The following KCNMA1 variants were observed in gnomAD, a reference collection of about 807,000 sequenced individuals.
The protein encoded by KCNMA1 is potassium calcium-activated channel subfamily M alpha 1, also known as Calcium-activated potassium channel subunit alpha-1.
KCNMA1 carries 29 observed loss-of-function variants against 140.0 expected under a neutral mutation model. The ratio of observed to expected loss-of-function variants is 0.21; its 90% CI spans 0.15 to 0.28. The LOEUF (loss-of-function observed/expected upper bound fraction) is 0.28, where lower values mean the gene tolerates loss of function less well. KCNMA1 is among the 10% of genes least tolerant of loss of function. KCNMA1 has a pLI of 1.00. For missense variants in KCNMA1, 880 were observed against 1,602.2 expected (o/e 0.55, Z 7.70); for synonymous variants, 612 against 611.9 (o/e 1.00, Z 0.00).
chr10:77,016,973 T>C (rs966518935), intron 17 of KCNMA1, among the ~76,000 whole-genome samples: 2 of 152,200 alleles, frequency 1.3e-5, no homozygotes, highest in Admixed American at 6.5e-5. Context: ...TGTGGTTTTT[T>C]GCAGTCTTCA....
At chr10:77,405,983 G>T (rs1383748621) in intron 1 of KCNMA1, among the ~76,000 whole-genome samples, 1 of 152,188 alleles carries the variant, frequency 6.6e-6, no homozygotes, top group Non-Finnish European at 1.5e-5. Context: ...GAAGAGAAAA[G>T]TGGGACCTGC....
intron 1 of KCNMA1, among the ~76,000 whole-genome samples, chr10:77,410,864 T>C (rs1251993036): frequency 1.3e-5 from 2 of 152,250 alleles, no homozygotes; most frequent in Non-Finnish European, 2.9e-5. Context: ...ACTTTGTCCA[T>C]GAGCTCTCCA....
At chr10:76,942,323 T>C (rs1345245286) in intron 23 of KCNMA1, among the ~76,000 whole-genome samples, 1 of 151,912 alleles carries the variant, frequency 6.6e-6, no homozygotes, top group Non-Finnish European at 1.5e-5. Context: ...CCTAAACACC[T>C]CTCAAAGGCC....
intron 3 of KCNMA1, among the ~76,000 whole-genome samples, chr10:77,236,145 C>G (rs910203376): frequency 6.6e-6 from 1 of 152,060 alleles, no homozygotes; most frequent in Non-Finnish European, 1.5e-5. Flanking sequence ...ACTCCGAGGC[C>G]CGGGCGAACT....
chr10:76,960,538 A>G (rs1007550049), intron 20 of KCNMA1, among the ~76,000 whole-genome samples: 2 of 136,732 alleles, frequency 1.5e-5, no homozygotes, highest in Non-Finnish European at 3.2e-5. Context: ...GACCCTGTCT[A>G]AAAAAAAAAG....
At chr10:77,398,488 G>A (rs1373595250) in intron 2 of KCNMA1, among the ~76,000 whole-genome samples, 63 of 152,144 alleles carry the variant, frequency 4.1e-4, no homozygotes, top group South Asian at 2.1e-4. Flanking sequence ...TTGGCCATTC[G>A]TATGTCTTCT....
At chr10:77,176,103 A>G (rs755448394) in intron 5 of KCNMA1, among the ~76,000 whole-genome samples, 2 of 152,164 alleles carry the variant, frequency 1.3e-5, no homozygotes, top group Non-Finnish European at 2.9e-5. Flanking sequence ...CCTTGGGCCC[A>G]GATGCTCCAT....
At chr10:77,070,907 T>C (rs567169215) in intron 14 of KCNMA1, among the ~76,000 whole-genome samples, 1 of 152,314 alleles carries the variant, frequency 6.6e-6, no homozygotes, top group South Asian at 2.1e-4. Flanking sequence ...AGGCTTGTGA[T>C]TTCCAGGTCA....
chr10:77,068,732 G>GTGTGTGTGTT, intron 14 of KCNMA1, among the ~76,000 whole-genome samples: 1 of 145,902 alleles, frequency 6.9e-6, no homozygotes, highest in African/African-American at 2.5e-5. Context: ...GTGTGTGTGT[G>GTGTGTGTGTT]TATAAAATGA....
chr10:77,270,397 G>A (rs918559272), intron 2 of KCNMA1, among the ~76,000 whole-genome samples: 5 of 152,152 alleles, frequency 3.3e-5, no homozygotes, highest in South Asian at 2.1e-4. Context: ...CCAGAAGTCC[G>A]GGAGAACTGG....
chr10:77,254,028 TTC>T (rs1565515192), intron 2 of KCNMA1, among the ~76,000 whole-genome samples: 1 of 152,098 alleles, frequency 6.6e-6, no homozygotes, highest in Non-Finnish European at 1.5e-5. Context: ...GTCTCTCTCT[TTC>T]TCTATCTCTC....
chr10:77,087,549 G>A (rs2096720832), intron 10 of KCNMA1, among the ~76,000 whole-genome samples: 1 of 152,002 alleles, frequency 6.6e-6, no homozygotes, highest in Admixed American at 6.6e-5. Context: ...CCAAGGCCTG[G>A]ATCAAAAAGT....
chr10:76,972,527 G>A (rs545363340), intron 19 of KCNMA1, among the ~76,000 whole-genome samples: 1 of 152,334 alleles, frequency 6.6e-6, no homozygotes, highest in Non-Finnish European at 1.5e-5. Context: ...CTTCAGATGG[G>A]AGAGTTGCAA....
chr10:76,974,414 G>C, intron 19 of KCNMA1: 1 of 906,170 alleles, frequency 1.1e-6, no homozygotes. Context: ...ACTGAGCTCA[G>C]CATGGTAAAG....
rs1247208502 is a variant in KCNMA1 at position 77,382,879 on chromosome 10, AAAAAAAATATAT to A, written c.540+20971_540+20982del. ...AAGCTCCGTCTCAAAAAAAAAAAAA[AAAAAAAATATAT>A]ATATATATATATACACACACACACA... On this transcript the variant is annotated intron_variant, in intron 2 of 27. Transcript: ENST00000286628. Among the ~76,000 whole-genome samples, 8 of 113,340 alleles carry A rather than the reference AAAAAAAATATAT, an allele frequency of 7.1e-5. 2 individuals are homozygous for A. The East Asian group carries it at 2.0e-3, about 28-fold the overall frequency. The allele number at this position is 113,340 out of a possible 152,430, so 74.4% of individuals were successfully genotyped here. A position where few individuals can be genotyped will look rare whatever the true frequency, so the allele number is the denominator to read the frequency against.
chr10:77,126,845 C>A (rs1201397469), intron 5 of KCNMA1, among the ~76,000 whole-genome samples: 1 of 151,892 alleles, frequency 6.6e-6, no homozygotes, highest in Non-Finnish European at 1.5e-5. Context: ...GCAGCTGCAG[C>A]CAGCCTGAGT....
chr10:77,396,906 G>T (rs2096074208), intron 2 of KCNMA1, among the ~76,000 whole-genome samples: 1 of 152,188 alleles, frequency 6.6e-6, no homozygotes, highest in Non-Finnish European at 1.5e-5. Flanking sequence ...CTTTGCTCAG[G>T]AGCTGGTAGC....
chr10:77,342,247 T>C (rs940921746), intron 2 of KCNMA1, among the ~76,000 whole-genome samples: 1 of 152,088 alleles, frequency 6.6e-6, no homozygotes, highest in African/African-American at 2.4e-5. Flanking sequence ...CAAAATAATA[T>C]TAAGATAATT....
chr10:77,172,794 GC>G (rs2098719928), intron 5 of KCNMA1, among the ~76,000 whole-genome samples: 1 of 151,788 alleles, frequency 6.6e-6, no homozygotes, highest in African/African-American at 2.4e-5. Flanking sequence ...ATAAACAACA[GC>G]AATTGATTGC....
Sources: allele counts gnomAD v4.1 joint callset (sites outside exome capture counted in the v4.1 genomes callset), GRCh38; gene constraint gnomAD v4.1.1; transcripts MANE v1.5; gene names NCBI Gene and HGNC (gene_info 2026-07-23, HGNC 2026-07-21).